Variants in TNPO3 observed in about 807,000 individuals in gnomAD.
The protein encoded by TNPO3 is transportin-3.
Under a neutral mutation model 122.8 loss-of-function variants are expected in TNPO3, and 65 were observed. The ratio of observed to expected loss-of-function variants is 0.53; its 90% CI spans 0.43 to 0.65. TNPO3 has a LOEUF of 0.65. TNPO3 is among the 30% of genes least tolerant of loss of function. The probability of loss-of-function intolerance (pLI) is 0.00; values close to 1 mark genes in which losing one functional copy is unlikely to be tolerated. For synonymous variants in TNPO3, 372 were observed against 411.2 expected, an observed-to-expected ratio of 0.90 and a Z score of 1.15; for missense variants, 850 against 1,136.7, an observed-to-expected ratio of 0.75 and a Z score of 3.63.
Position 129,054,861 on chromosome 7 carries a change from G to A in TNPO3, c.-91C>T, listed in dbSNP as rs1443572031. On this transcript the variant is annotated 5_prime_UTR_variant, in exon 1 of 23. Transcript: ENST00000265388. ...GCCTTCGCGCTTCCTCACTGTCTGGGCCACGGCCGCTCCCTGACTGGCGCC... is the reference window on the plus strand; with the variant it reads ...GCCTTCGCGCTTCCTCACTGTCTGGACCACGGCCGCTCCCTGACTGGCGCC... The A allele has an allele frequency of 1.0e-5, 16 of 1,562,678 alleles. No individual in the cohort carries two copies. In the East Asian group the frequency reaches 3.6e-4, roughly 35 times the overall value.
At chr7:129,034,219 A>T (rs940123149) in intron 1 of TNPO3, among the ~76,000 whole-genome samples, 2 of 152,172 alleles carry the variant, frequency 1.3e-5, no homozygotes, top group Admixed American at 6.5e-5. Flanking sequence ...AAGTAGCAAG[A>T]CTCATAAAAA....
chr7:129,023,636 C>A (rs1288917198), intron 1 of TNPO3, among the ~76,000 whole-genome samples: 2 of 152,142 alleles, frequency 1.3e-5, no homozygotes, highest in Non-Finnish European at 2.9e-5. Flanking sequence ...TGGCCAGAGA[C>A]AGGACAATTT....
intron 20 of TNPO3, 133 bp downstream of exon 20, chr7:128,970,015 T>C (rs747884957): frequency 9.7e-6 from 9 of 924,616 alleles, no homozygotes; most frequent in Admixed American, 2.3e-5. Context: ...ACCAATCTAA[T>C]TTGGCAATAT....
intron 1 of TNPO3, among the ~76,000 whole-genome samples, chr7:129,053,375 A>ATC (rs1408975740): frequency 2.6e-5 from 4 of 151,470 alleles, no homozygotes; most frequent in African/African-American, 9.7e-5. Flanking sequence ...GGCACCTGTA[A>ATC]TCCCAGCTAC....
chr7:129,000,451 C>A lies in TNPO3; in HGVS notation c.989G>T (p.Cys330Phe). 6.2e-7 allele frequency: 1 copy of A among 1,614,084 alleles called. No homozygotes were observed. The highest frequency in any genetic ancestry group is 8.5e-7 in the Non-Finnish European group (1 of 1,179,988). Residue 330 changes from cysteine to phenylalanine, a missense_variant, in exon 7 of 23, where the codon TGT becomes TTT. Cys to Phe is a radical substitution (Grantham distance 205, BLOSUM62 -2). Transcript: ENST00000265388. ...DLRTLELLLI[C>F]AGHPQYEVVE... ...TACCTCATATTGAGGATGGCCTGCA[C>A]AGATAAGCAGCAGCTCCAGAGTTCG...
chr7:128,957,828 C>T (rs568565361), intron 21 of TNPO3, among the ~76,000 whole-genome samples: 9 of 152,280 alleles, frequency 5.9e-5, no homozygotes, highest in Non-Finnish European at 1.2e-4. Flanking sequence ...ACTAAGTCTC[C>T]ACCAGTCATT....
At chr7:129,025,281 C>G (rs907985528) in intron 1 of TNPO3, among the ~76,000 whole-genome samples, 1 of 138,206 alleles carries the variant, frequency 7.2e-6, no homozygotes, top group African/African-American at 2.7e-5. Flanking sequence ...ACCCGGGAGG[C>G]AGAAGTTGCA....
In TNPO3 at chr7:129,001,127, T is replaced by C. The variant is rs886044161; in HGVS notation, c.804A>G (p.Gln268=). 7 of 1,614,180 alleles carry C rather than the reference T, an allele frequency of 4.3e-6. No individual in the cohort carries two copies. Among genetic ancestry groups the C allele is most frequent in the Middle Eastern group, 1.6e-4 (1 of 6,062 alleles). Reference sequence around the variant, plus strand: ...CCAATGTCAGCACTCCCTGAAAAAGTTGCATGGCTAATGGCAAGTTAGTCT... The same window carrying C: ...CCAATGTCAGCACTCCCTGAAAAAGCTGCATGGCTAATGGCAAGTTAGTCT... ...NVETNLPLAM[Q]LFQGVLTLET... The change falls in exon 6 of 23, where the codon CAA becomes CAG. Residue 268 remains glutamine, a synonymous_variant. Coordinates refer to ENST00000265388, the MANE Select transcript of TNPO3 (RefSeq NM_012470.4).
intron 1 of TNPO3, among the ~76,000 whole-genome samples, chr7:129,025,649 G>A (rs1805061243): frequency 6.6e-6 from 1 of 151,946 alleles, no homozygotes; most frequent in South Asian, 2.1e-4. Flanking sequence ...CTGGGTTCAA[G>A]CAATCCTCTT....
chr7:129,008,981 A>T (rs2150405024), intron 4 of TNPO3, among the ~76,000 whole-genome samples: 1 of 152,360 alleles, frequency 6.6e-6, no homozygotes, highest in East Asian at 1.9e-4. Context: ...TCTGCAAATT[A>T]AATCAAACAT....
chr7:129,035,956 T>TC (rs2150517405), intron 1 of TNPO3, among the ~76,000 whole-genome samples: 1 of 145,752 alleles, frequency 6.9e-6, no homozygotes, highest in Admixed American at 6.8e-5. Flanking sequence ...TTTTCTTTTT[T>TC]TTTTTTTTTT....
chr7:129,040,133 T>C (rs532536026), intron 1 of TNPO3, among the ~76,000 whole-genome samples: 1 of 152,022 alleles, frequency 6.6e-6, no homozygotes, highest in African/African-American at 2.4e-5. Context: ...TGCACACTTG[T>C]AATCCCAGCT....
At chr7:128,978,412 A>T (rs780191803) in intron 16 of TNPO3, among the ~76,000 whole-genome samples, 46 of 152,342 alleles carry the variant, frequency 3.0e-4, no homozygotes, top group Non-Finnish European at 5.0e-4. Context: ...GGATCTCAAT[A>T]TAAAAATGCT....
chr7:129,025,111 G>A (rs1804960896), intron 1 of TNPO3, among the ~76,000 whole-genome samples: 1 of 151,864 alleles, frequency 6.6e-6, no homozygotes, highest in South Asian at 2.1e-4. Context: ...CACTTTCGGA[G>A]GCCAAGGCGG....
intron 12 of TNPO3, among the ~76,000 whole-genome samples, chr7:128,985,805 G>A (rs1259638736): frequency 6.6e-6 from 1 of 152,134 alleles, no homozygotes; most frequent in East Asian, 1.9e-4. Context: ...AAGAAAATCT[G>A]ATATAAAAAA....
chr7:129,014,823 GA>G (rs1369896134), intron 4 of TNPO3, among the ~76,000 whole-genome samples, 155 bp downstream of exon 4: 1 of 152,194 alleles, frequency 6.6e-6, no homozygotes, highest in Non-Finnish European at 1.5e-5. Flanking sequence ...CATAGTTTCT[GA>G]AAGTATGTTG....
At chr7:129,001,794 T>C (rs909554721) in intron 5 of TNPO3, among the ~76,000 whole-genome samples, 2 of 152,254 alleles carry the variant, frequency 1.3e-5, no homozygotes, top group Non-Finnish European at 2.9e-5. Flanking sequence ...CCCGAAGTCA[T>C]GGTCGTATCA....
At chr7:129,005,954 T>C (rs1802539335) in intron 4 of TNPO3, among the ~76,000 whole-genome samples, 1 of 151,978 alleles carries the variant, frequency 6.6e-6, no homozygotes, top group Non-Finnish European at 1.5e-5. Flanking sequence ...GCTAATTTTT[T>C]TGTATTTTTA....
At chr7:128,968,286 T>C (rs1352300583) in intron 20 of TNPO3, among the ~76,000 whole-genome samples, 1 of 152,202 alleles carries the variant, frequency 6.6e-6, no homozygotes, top group East Asian at 1.9e-4. Context: ...TTAAAAAACC[T>C]TGCTCTTGTT....
Sources: gnomAD v4.1 joint callset for allele counts (sites outside exome capture counted in the v4.1 genomes callset) on GRCh38, gnomAD v4.1.1 for gene constraint, MANE v1.5 for transcripts, NCBI Gene and HGNC (gene_info 2026-07-23, HGNC 2026-07-21) for gene names.